Variants in LRIG2 observed in about 807,000 individuals in gnomAD.
LRIG2 encodes leucine rich repeats and immunoglobulin like domains 2, also known as leucine-rich repeats and immunoglobulin-like domains protein 2.
In LRIG2, 93 loss-of-function variants were observed where a neutral mutation model predicts 107.8. The ratio of observed to expected loss-of-function variants is 0.86; its 90% CI spans 0.73 to 1.03. The LOEUF is 1.03. LRIG2 is among the 50% of genes least tolerant of loss of function. The probability of loss-of-function intolerance (pLI) is 0.00; values close to 1 mark genes in which losing one functional copy is unlikely to be tolerated. For missense variants in LRIG2, 1,226 were observed against 1,296.0 expected (o/e 0.95, Z 0.83); for synonymous variants, 471 against 470.6 (o/e 1.00, Z -0.01).
At chr1:113,083,471 G>A (rs898952899) in intron 1 of LRIG2, among the ~76,000 whole-genome samples, 14 of 148,832 alleles carry the variant, frequency 9.4e-5, no homozygotes, top group African/African-American at 3.5e-4. Flanking sequence ...TCAGCCTCCC[G>A]AGTAGCTGGG....
At chr1:113,092,703 T>C (rs1653881645) in intron 2 of LRIG2, among the ~76,000 whole-genome samples, 1 of 152,170 alleles carries the variant, frequency 6.6e-6, no homozygotes, top group Admixed American at 6.6e-5. Context: ...TGAAAATACA[T>C]TTCTTGGCCA....
rs1654061539 is a variant in LRIG2, at chr1:113,096,261, T to C, written c.987T>C (p.Ser329=). ...SYNQLTRLDE[S]AFVGLSLLER... ...ACCAGCTGACCCGCCTGGATGAATC[T>C]GCCTTTGTGGGTCTGAGCTTATTGG... The change falls in exon 8 of 18, where the codon TCT becomes TCC. Residue 329 remains serine (S), a synonymous_variant. Transcript: ENST00000361127. 1 of 1,614,216 alleles carries C rather than the reference T, an allele frequency of 6.2e-7. No homozygotes were observed. The highest frequency in any genetic ancestry group is 1.1e-5 in the South Asian group (1 of 91,080).
At chr1:113,108,091 ACTGATT>A (rs1182944893) in intron 12 of LRIG2, among the ~76,000 whole-genome samples, 1 of 152,132 alleles carries the variant, frequency 6.6e-6, no homozygotes, top group Non-Finnish European at 1.5e-5. Context: ...GTATGAATAT[ACTGATT>A]CTGTGTGTTT....
intron 6 of LRIG2, among the ~76,000 whole-genome samples, 189 bp downstream of exon 6, chr1:113,094,944 T>TTA (rs1001230569): frequency 2.7e-5 from 4 of 150,720 alleles, no homozygotes; most frequent in African/African-American, 9.7e-5. Context: ...GAAATAATTC[T>TTA]TACAAACTTC....
intron 1 of LRIG2, among the ~76,000 whole-genome samples, chr1:113,074,114 T>C (rs1203515812): frequency 6.6e-6 from 1 of 152,166 alleles, no homozygotes. Flanking sequence ...CTATGAACTG[T>C]CTTTAGTCCT....
rs780035544 is a variant in LRIG2, at chr1:113,094,618, TAAAAG to T, written c.670_674del (p.Arg224GlnfsTer3). Reference sequence around the variant, plus strand: ...AAAACTATTTTTGTTAAAGGGAACTTAAAAGAAACAGAATTAAAATTGTGGAAGGT... The same window carrying T: ...AAAACTATTTTTGTTAAAGGGAACTTAAACAGAATTAAAATTGTGGAAGGT... On this transcript the variant is annotated frameshift_variant, in exon 6 of 18. Coordinates refer to ENST00000361127, the MANE Select transcript of LRIG2 (RefSeq NM_014813.3). LOFTEE classifies it high-confidence loss of function. 8.1e-6 allele frequency: 13 copies of T among 1,611,118 alleles called. No homozygotes were observed. Among genetic ancestry groups the T allele is most frequent in the Admixed American group, 5.0e-5 (3 of 59,636 alleles).
At chr1:113,091,245 A>G in intron 1 of LRIG2, 73 bp from the exon 2 acceptor site, 6 of 1,026,632 alleles carry the variant, frequency 5.8e-6, no homozygotes, top group Middle Eastern at 3.1e-4. Flanking sequence ...TTGTATTTCT[A>G]TTTAGTTTCT....
At chr1:113,112,980 G>T (rs1654837101) in intron 14 of LRIG2, among the ~76,000 whole-genome samples, 1 of 152,146 alleles carries the variant, frequency 6.6e-6, no homozygotes, top group Non-Finnish European at 1.5e-5. Context: ...AGGCATCCTT[G>T]TCACAATAAT....
intron 16 of LRIG2, among the ~76,000 whole-genome samples, chr1:113,117,525 C>T (rs1456659297): frequency 6.6e-6 from 1 of 152,074 alleles, no homozygotes; most frequent in Non-Finnish European, 1.5e-5. Context: ...ATTCTGTTAC[C>T]CAGGCTGGAG....
intron 1 of LRIG2, among the ~76,000 whole-genome samples, chr1:113,081,215 G>A (rs1653267660): frequency 6.6e-6 from 1 of 151,976 alleles, no homozygotes; most frequent in South Asian, 2.1e-4. Context: ...CTCAAAATTC[G>A]GAAAAACGTA....
chr1:113,124,052 T>C lies in LRIG2; in HGVS notation c.3149T>C (p.Phe1050Ser), dbSNP rs1311195666. 1.2e-6 allele frequency: 2 copies of C among 1,614,150 alleles called. No homozygotes were observed. Among genetic ancestry groups the C allele is most frequent in the East Asian group, 4.5e-5 (2 of 44,872 alleles). The change falls in exon 18 of 18, where the codon TTT (phenylalanine) becomes TCT (serine). Residue 1050 changes from phenylalanine (F) to serine (S), a missense_variant. Transcript: ENST00000361127. ...TGCCACAGGTTACAGGATCATGCTT[T>C]TGATTTTAGTAGGACTCGGAACATT... is the stretch of plus-strand genomic sequence containing the variant. ...MSCHRLQDHA[F>S]DFSRTRNIQD...
intron 1 of LRIG2, among the ~76,000 whole-genome samples, chr1:113,075,766 G>A (rs1229183899): frequency 6.7e-6 from 1 of 149,816 alleles, no homozygotes; most frequent in East Asian, 2.0e-4. Context: ...TGTGACCTCG[G>A]CTCCCTGCAA....
At chr1:113,103,346 A>T (rs1392030395) in intron 11 of LRIG2, 1 of 152,188 alleles carries the variant, frequency 6.6e-6, no homozygotes, top group East Asian at 1.9e-4. Context: ...GTTAGGGTTT[A>T]GCCAGAGTCT....
At chr1:113,105,981 G>A (rs529390093) in intron 11 of LRIG2, among the ~76,000 whole-genome samples, 125 of 152,294 alleles carry the variant, frequency 8.2e-4, no homozygotes, top group Non-Finnish European at 1.3e-3. Context: ...TGTAATCCCA[G>A]CACTCTGGGA....
chr1:113,102,709 G>C (rs1394794615), intron 11 of LRIG2, among the ~76,000 whole-genome samples: 32 of 152,104 alleles, frequency 2.1e-4, no homozygotes, highest in Non-Finnish European at 2.9e-4. Context: ...TTTAAAGAGA[G>C]AGTTAGGAGG....
At chr1:113,109,744 C>T (rs556975822) in intron 12 of LRIG2, among the ~76,000 whole-genome samples, 20 of 152,244 alleles carry the variant, frequency 1.3e-4, no homozygotes, top group East Asian at 3.9e-4. Context: ...GTCTCGAACT[C>T]CTGACCTGAG....
At chr1:113,101,065 T>C (rs1038047189) in intron 11 of LRIG2, among the ~76,000 whole-genome samples, 1 of 152,044 alleles carries the variant, frequency 6.6e-6, no homozygotes, top group Admixed American at 6.5e-5. Context: ...GTATTATTTA[T>C]ATTTATATAT....
intron 14 of LRIG2, 54 bp from the exon 15 acceptor site, chr1:113,114,373 G>A: frequency 8.6e-7 from 1 of 1,161,104 alleles, no homozygotes; most frequent in Admixed American, 2.3e-5. Flanking sequence ...TAGAAATTAG[G>A]GAATAAAATT....
At chr1:113,111,347 C>G (rs956940296) in intron 13 of LRIG2, among the ~76,000 whole-genome samples, 2 of 152,168 alleles carry the variant, frequency 1.3e-5, no homozygotes, top group Non-Finnish European at 2.9e-5. Flanking sequence ...TATTTCAGTA[C>G]CTTTTGGGGT....
Sources: gnomAD v4.1 joint callset for allele counts (sites outside exome capture counted in the v4.1 genomes callset) on GRCh38, gnomAD v4.1.1 for gene constraint, MANE v1.5 for transcripts, NCBI Gene and HGNC (gene_info 2026-07-23, HGNC 2026-07-21) for gene names.